The following GNB4 variants were observed in gnomAD, a reference collection of about 807,000 sequenced individuals.
GNB4 encodes the protein G protein subunit beta 4.
GNB4 carries 28 observed loss-of-function variants against 45.2 expected under a neutral mutation model. The ratio of observed to expected loss-of-function variants is 0.62; its 90% CI spans 0.46 to 0.85. GNB4 has a LOEUF of 0.85. Among genes scored for constraint, GNB4 ranks in the 40% least tolerant of loss-of-function variants. GNB4 has a pLI of 0.00. For synonymous variants in GNB4, 132 were observed against 143.7 expected (o/e 0.92, Z 0.58); for missense variants, 321 against 425.4 (o/e 0.75, Z 2.16).
chr3:179,443,179 A>G lies in GNB4; in HGVS notation c.-43+8167T>C, dbSNP rs572448855. 3.9e-5 allele frequency among the ~76,000 whole-genome samples: 6 copies of G among 152,324 alleles called. No homozygotes were observed. The South Asian group carries it at 1.2e-3, about 32-fold the overall frequency. ...CCGCTTCATAGGACAAAATGTTAACATGTGCAATTACCATAGTCACGGAAA... is the reference window on the plus strand; with the variant it reads ...CCGCTTCATAGGACAAAATGTTAACGTGTGCAATTACCATAGTCACGGAAA... On this transcript the variant is annotated intron_variant, in intron 1 of 9. Transcript: ENST00000232564.
chr3:179,481,923 GAC>G, the GNB4 span, among the ~76,000 whole-genome samples: 1 of 151,900 alleles, frequency 6.6e-6, no homozygotes, highest in Non-Finnish European at 1.5e-5. Flanking sequence ...ATTTTGCTGA[GAC>G]AGGGTCTCGC....
At chr3:179,500,641 G>A in the GNB4 span, among the ~76,000 whole-genome samples, 14 of 152,258 alleles carry the variant, frequency 9.2e-5, no homozygotes, top group African/African-American at 2.6e-4. Flanking sequence ...TAGCTTGATG[G>A]GGATAGCATT....
chr3:179,517,614 C>T, the GNB4 span, among the ~76,000 whole-genome samples: 1 of 152,314 alleles, frequency 6.6e-6, no homozygotes, highest in African/African-American at 2.4e-5. Flanking sequence ...GAACATCTCA[C>T]CAATTTTAAA....
In GNB4 at chr3:179,420,902, G is replaced by C. The variant is rs1023173121; in HGVS notation, c.83C>G (p.Ala28Gly). 1 of 1,590,544 alleles carries C rather than the reference G, an allele frequency of 6.3e-7. No individual in the cohort carries two copies. The highest frequency in any genetic ancestry group is 8.6e-7 in the Non-Finnish European group (1 of 1,163,076). ...IQDARKACND[A>G]TLVQITSNMD... ...ACAAAACTTTACCTGAACAAGCGTT[G>C]CATCATTACATGCTTTCCGAGCATC... Residue 28 changes from alanine to glycine, a missense_variant, in exon 3 of 10, where the codon GCA becomes GGA. Ala to Gly is a moderately conservative substitution (Grantham distance 60, BLOSUM62 0). Coordinates refer to ENST00000232564, the MANE Select transcript of GNB4 (RefSeq NM_021629.4).
chr3:179,433,859 A>G (rs1056577544), intron 1 of GNB4, among the ~76,000 whole-genome samples: 8 of 152,252 alleles, frequency 5.3e-5, no homozygotes, highest in Non-Finnish European at 1.0e-4. Context: ...ATGAACTGGC[A>G]AACCACAGCA....
the GNB4 span, among the ~76,000 whole-genome samples, chr3:179,516,348 G>T: frequency 3.3e-5 from 5 of 152,192 alleles, no homozygotes; most frequent in African/African-American, 9.6e-5. Context: ...CAGAAGGGAA[G>T]AAATGACCAT....
In GNB4 at chr3:179,399,184, T is replaced by C. The variant is rs1435808442; in HGVS notation, c.*2029A>G. 3 of 152,062 alleles carry C rather than the reference T, an allele frequency of 2.0e-5. No individual in the cohort carries two copies. Among genetic ancestry groups the C allele is most frequent in the Non-Finnish European group, 2.9e-5 (2 of 68,022 alleles). 9.4% of individuals were successfully genotyped at this position (152,062 alleles called of 1,614,324 possible). A position where few individuals can be genotyped will look rare whatever the true frequency, so the allele number is the denominator to read the frequency against. On this transcript the variant is annotated 3_prime_UTR_variant, in exon 10 of 10. Transcript: ENST00000232564. The stretch of plus-strand genomic sequence containing the variant: ...TAAATAGCCTACAAATAAACATTAA[T>C]AGCAAAAGTTCATATAATTTTTTTT...
the GNB4 span, among the ~76,000 whole-genome samples, chr3:179,521,242 TTTA>T: frequency 6.6e-6 from 1 of 152,316 alleles, no homozygotes; most frequent in African/African-American, 2.4e-5. Context: ...CGGACCAGCC[TTTA>T]TTAGTCAAAT....
intron 8 of GNB4, 127 bp downstream of exon 8, chr3:179,413,285 A>C (rs1310712200): frequency 7.2e-6 from 5 of 694,774 alleles, no homozygotes. Flanking sequence ...TATGACTTGG[A>C]GATTCAAAGT....
At chr3:179,527,777 CGTGTGTGTATGTATGTGTGTGTGT>C in the GNB4 span, among the ~76,000 whole-genome samples, 1 of 122,148 alleles carries the variant, frequency 8.2e-6, no homozygotes, top group Non-Finnish European at 1.7e-5. Context: ...CTGATAAGTG[CGTGTGTGTATGTATGTGTGTGTGT>C]GTGTGTGTGT....
At chr3:179,491,865 G>A in the GNB4 span, among the ~76,000 whole-genome samples, 1 of 152,146 alleles carries the variant, frequency 6.6e-6, no homozygotes, top group Non-Finnish European at 1.5e-5. Flanking sequence ...CAAACAGCTA[G>A]GTATCAATGT....
the GNB4 span, among the ~76,000 whole-genome samples, chr3:179,503,835 G>A: frequency 2.6e-5 from 4 of 152,214 alleles, no homozygotes; most frequent in East Asian, 7.7e-4. Flanking sequence ...ATTGTGGAAT[G>A]AATCACAAGC....
the GNB4 span, among the ~76,000 whole-genome samples, chr3:179,470,465 TA>T: frequency 3.0e-4 from 45 of 148,546 alleles, no homozygotes; most frequent in East Asian, 7.8e-4. Context: ...TTTACAAAGT[TA>T]AAAAAAAATT....
intron 8 of GNB4, among the ~76,000 whole-genome samples, chr3:179,412,497 T>C (rs1714680461): frequency 6.6e-6 from 1 of 151,960 alleles, no homozygotes; most frequent in South Asian, 2.1e-4. Context: ...ATAATAATAA[T>C]TTATACCATT....
chr3:179,485,740 A>G, the GNB4 span, among the ~76,000 whole-genome samples: 80 of 152,156 alleles, frequency 5.3e-4, no homozygotes, highest in Admixed American at 2.0e-3. Flanking sequence ...CAGGAGTTCA[A>G]GACCAGCCTG....
chr3:179,467,587 T>A, the GNB4 span, among the ~76,000 whole-genome samples: 1 of 152,202 alleles, frequency 6.6e-6, no homozygotes, highest in Non-Finnish European at 1.5e-5. Flanking sequence ...TTTTTCATCT[T>A]GAGCAAATAT....
the GNB4 span, among the ~76,000 whole-genome samples, chr3:179,525,297 C>T: frequency 9.2e-5 from 14 of 152,106 alleles, no homozygotes; most frequent in Admixed American, 3.9e-4. Flanking sequence ...GGGGCCCAAG[C>T]GGTGTTGCAG....
intron 1 of GNB4, among the ~76,000 whole-genome samples, chr3:179,430,252 ATTTTCTT>A (rs10603540): frequency 0.022 from 3,321 of 151,922 alleles, 104 homozygotes; most frequent in African/African-American, 0.077. Flanking sequence ...CGTCAAGCTA[ATTTTCTT>A]TTTTCTTTTT....
the GNB4 span, among the ~76,000 whole-genome samples, chr3:179,522,813 C>A: frequency 6.6e-6 from 1 of 152,004 alleles, no homozygotes; most frequent in Admixed American, 6.6e-5. Flanking sequence ...AATGTAGGGG[C>A]CAGCCTAAAA....
Sources: gnomAD v4.1 joint callset for allele counts (sites outside exome capture counted in the v4.1 genomes callset) on GRCh38, gnomAD v4.1.1 for gene constraint, MANE v1.5 for transcripts, NCBI Gene and HGNC (gene_info 2026-07-23, HGNC 2026-07-21) for gene names.